The following TARS3 variants were observed in gnomAD, a reference collection of about 807,000 sequenced individuals.
TARS3 encodes threonyl-tRNA synthetase 3.
In TARS3, 94 loss-of-function variants were observed where a neutral mutation model predicts 103.5. That is an observed-to-expected ratio of 0.91 (90% CI 0.77 to 1.08). The LOEUF (loss-of-function observed/expected upper bound fraction) is 1.08. TARS3 is among the 50% of genes least tolerant of loss of function. The pLI is 0.00. For missense variants in TARS3, 952 were observed against 995.2 expected, an observed-to-expected ratio of 0.96 and a Z score of 0.58; for synonymous variants, 416 against 355.4, an observed-to-expected ratio of 1.17 and a Z score of -1.92.
At chr15:101,682,920 A>G (rs1898311306) in intron 12 of TARS3, among the ~76,000 whole-genome samples, 1 of 152,204 alleles carries the variant, frequency 6.6e-6, no homozygotes, top group Non-Finnish European at 1.5e-5. Flanking sequence ...GTATGAGCAT[A>G]AAGTTATTCA....
chr15:101,704,171 T>G (rs1899422936), intron 7 of TARS3, among the ~76,000 whole-genome samples: 2 of 152,168 alleles, frequency 1.3e-5, no homozygotes, highest in African/African-American at 4.8e-5. Context: ...ATTCTCTGAT[T>G]AAAAACTTAA....
chr15:101,676,483 C>T (rs1596296693), intron 12 of TARS3, among the ~76,000 whole-genome samples: 1 of 152,166 alleles, frequency 6.6e-6, no homozygotes, highest in East Asian at 1.9e-4. Context: ...CATTCATTAA[C>T]TGCAATGGCT....
At chr15:101,681,564 T>C (rs888482453) in intron 12 of TARS3, among the ~76,000 whole-genome samples, 1 of 152,248 alleles carries the variant, frequency 6.6e-6, no homozygotes, top group East Asian at 1.9e-4. Context: ...TCATTTATTC[T>C]TCACAGTTCT....
At position 101,688,558 on chromosome 15, in the gene TARS3, G is replaced by C. The variant is rs527495422; in HGVS notation, c.1321-2496C>G. On this transcript the variant is annotated intron_variant, in intron 10 of 18. Coordinates refer to ENST00000335968, the MANE Select transcript of TARS3 (RefSeq NM_152334.3). ...ACATCTAAATAGCTTCTAAGAATCA[G>C]TGTCATAAATTTGTTTTCAAGTAAT... Among the ~76,000 whole-genome samples the C allele has an allele frequency of 3.0e-4, 46 of 152,260 alleles. 1 individual carries two copies. In the South Asian group the frequency reaches 6.0e-3, roughly 20 times the overall value.
chr15:101,656,241 A>T (rs957017592), intron 18 of TARS3, among the ~76,000 whole-genome samples: 1 of 152,242 alleles, frequency 6.6e-6, no homozygotes, highest in African/African-American at 2.4e-5. Flanking sequence ...TTCTGCCACC[A>T]TAAGAAGCCT....
rs1485819442 is a variant in TARS3, at chr15:101,656,981, CTG to C, written c.2199_2200del (p.His733GlnfsTer6). On this transcript the variant is annotated frameshift_variant, in exon 18 of 19. Coordinates refer to ENST00000335968, the MANE Select transcript of TARS3 (RefSeq NM_152334.3). LOFTEE classifies it high-confidence loss of function. ...TCGTATTTTCTTATTTAGTGTACAACTGTGATCCAAGTCAACGTCAGCCATAA... is the reference window on the plus strand; with the variant it reads ...TCGTATTTTCTTATTTAGTGTACAACTGATCCAAGTCAACGTCAGCCATAA... 4 of 1,613,876 alleles carry C rather than the reference CTG, an allele frequency of 2.5e-6. No homozygotes were observed. The highest frequency in any genetic ancestry group is 3.4e-6 in the Non-Finnish European group (4 of 1,179,930).
chr15:101,702,484 A>C (rs1010372158), intron 8 of TARS3, 99 bp from the exon 9 acceptor site: 15 of 1,039,752 alleles, frequency 1.4e-5, no homozygotes, highest in Non-Finnish European at 2.2e-5. Context: ...CATATCAACA[A>C]AGCAGCCCTG....
At chr15:101,697,579 A>C (rs955784260) in intron 10 of TARS3, among the ~76,000 whole-genome samples, 1 of 152,216 alleles carries the variant, frequency 6.6e-6, no homozygotes, top group African/African-American at 2.4e-5. Flanking sequence ...TGGGTTCAAA[A>C]ATGAAACCTT....
In TARS3 at chr15:101,721,224, C is replaced by T. The variant is rs768940102; in HGVS notation, c.468G>A (p.Gly156=). ...TTACTGTGATGATGTTGCTTGTATC[C>T]CCCTTTTTTCCATAAATGGCAAGTA... ...QLLLAIYGKK[G]DTSNIITVRV... Residue 156 remains glycine (G), a synonymous_variant, in exon 3 of 19, where the codon GGG becomes GGA. Transcript: ENST00000335968. 1 of 1,613,976 alleles carries T rather than the reference C, an allele frequency of 6.2e-7. No homozygotes were observed. Among genetic ancestry groups the T allele is most frequent in the South Asian group, 1.1e-5 (1 of 91,056 alleles).
At chr15:101,718,550 T>C (rs2141456921) in intron 3 of TARS3, among the ~76,000 whole-genome samples, 1 of 152,168 alleles carries the variant, frequency 6.6e-6, no homozygotes, top group East Asian at 1.9e-4. Flanking sequence ...CAATCTTCTT[T>C]CCCAAACCGC....
At position 101,694,673 on chromosome 15, in the gene TARS3, A is replaced by G. The variant is rs189952783; in HGVS notation, c.1320+6413T>C. 2.7e-3 allele frequency among the ~76,000 whole-genome samples: 415 copies of G among 152,374 alleles called. 3 individuals are homozygous for G. Among genetic ancestry groups the G allele is most frequent in the African/African-American group, 9.4e-3 (389 of 41,588 alleles). ...TTTTCTCCAGCAACGTACTTTAAAT[A>G]TAGAAACAGAGGCAGAAAATAAAAG... is the stretch of plus-strand genomic sequence containing the variant. On this transcript the variant is annotated intron_variant, in intron 10 of 18. Transcript: ENST00000335968.
At chr15:101,705,819 C>G (rs960521104) in intron 6 of TARS3, 72 bp from the exon 7 acceptor site, 3 of 1,273,176 alleles carry the variant, frequency 2.4e-6, no homozygotes, top group Non-Finnish European at 2.2e-6. Flanking sequence ...TACTTTTCTT[C>G]AAGAAACATT....
At chr15:101,696,684 C>A (rs1415078970) in intron 10 of TARS3, among the ~76,000 whole-genome samples, 1 of 152,178 alleles carries the variant, frequency 6.6e-6, no homozygotes, top group Non-Finnish European at 1.5e-5. Context: ...CCAGAGAAAC[C>A]TTAAAAACTG....
intron 16 of TARS3, among the ~76,000 whole-genome samples, chr15:101,659,112 A>G: frequency 6.6e-6 from 1 of 152,218 alleles, no homozygotes; most frequent in East Asian, 1.9e-4. Flanking sequence ...TCTTAGAACA[A>G]CATGCGAACC....
intron 16 of TARS3, among the ~76,000 whole-genome samples, 175 bp downstream of exon 16, chr15:101,661,537 C>A (rs940872564): frequency 1.3e-5 from 2 of 151,916 alleles, no homozygotes; most frequent in Non-Finnish European, 2.9e-5. Context: ...TCTTTATTTG[C>A]TGTTTGGACA....
In TARS3 at chr15:101,721,404, C is replaced by A. The variant is rs546960175; in HGVS notation, c.370-82G>T. 24 of 991,440 alleles carry A rather than the reference C, an allele frequency of 2.4e-5. 1 individual carries two copies. Among genetic ancestry groups the A allele is most frequent in the South Asian group, 1.5e-4 (9 of 60,488 alleles). The allele number at this position is 991,440 out of a possible 1,614,324, so 61.4% of individuals were successfully genotyped here. On this transcript the variant is annotated intron_variant, in intron 2 of 18. Coordinates refer to ENST00000335968, the MANE Select transcript of TARS3 (RefSeq NM_152334.3). ...GCTCAGCTCTGAATCAGGCTCACCC[C>A]CTTACTGCCTTCTCAGTTCTACAGA...
rs1900676163 is a variant in TARS3, at chr15:101,724,453, A to G, written c.-66T>C. Reference sequence around the variant, plus strand: ...CGACTGCGGCGAGGGCGACGCGGACACTCAGCGCACGGCAGAAGACAGGGC... The same window carrying G: ...CGACTGCGGCGAGGGCGACGCGGACGCTCAGCGCACGGCAGAAGACAGGGC... On this transcript the variant is annotated 5_prime_UTR_variant, in exon 1 of 19. Coordinates refer to ENST00000335968, the MANE Select transcript of TARS3 (RefSeq NM_152334.3). The G allele has an allele frequency of 7.4e-7, 1 of 1,351,354 alleles. No individual in the cohort carries two copies. The highest frequency in any genetic ancestry group is 1.5e-5 in the African/African-American group (1 of 64,718). The allele number at this position is 1,351,354 out of a possible 1,614,324, so 83.7% of individuals were successfully genotyped here. A position where few individuals can be genotyped will look rare whatever the true frequency, so the allele number is the denominator to read the frequency against.
At chr15:101,680,300 A>G (rs560373978) in intron 12 of TARS3, among the ~76,000 whole-genome samples, 2 of 152,356 alleles carry the variant, frequency 1.3e-5, no homozygotes, top group Admixed American at 6.5e-5. Context: ...GATATTGTCT[A>G]AAACTTTTCT....
chr15:101,709,773 C>T (rs1215188903), intron 5 of TARS3, among the ~76,000 whole-genome samples: 2 of 152,366 alleles, frequency 1.3e-5, no homozygotes, highest in East Asian at 3.9e-4. Context: ...GCAGCAAAAA[C>T]ATCTTGTTGA....
Sources: allele counts gnomAD v4.1 joint callset (sites outside exome capture counted in the v4.1 genomes callset), GRCh38; gene constraint gnomAD v4.1.1; transcripts MANE v1.5; gene names NCBI Gene and HGNC (gene_info 2026-07-23, HGNC 2026-07-21).